Variants in ZNF521 observed in about 807,000 individuals in gnomAD.
The protein encoded by ZNF521 is LYST-interacting protein 3.
ZNF521 carries 14 observed loss-of-function variants against 105.5 expected under a neutral mutation model. The ratio of observed to expected loss-of-function variants is 0.13; its 90% CI spans 0.09 to 0.21. The LOEUF (loss-of-function observed/expected upper bound fraction) is 0.21. ZNF521 is among the 10% of genes least tolerant of loss of function. The probability of loss-of-function intolerance (pLI) is 1.00; values close to 1 mark genes in which losing one functional copy is unlikely to be tolerated. For synonymous variants in ZNF521, 635 were observed against 606.0 expected, an observed-to-expected ratio of 1.05 and a Z score of -0.70; for missense variants, 1,233 against 1,629.7, an observed-to-expected ratio of 0.76 and a Z score of 4.19.
intron 3 of ZNF521, among the ~76,000 whole-genome samples, chr18:25,316,579 G>C (rs1057247705): frequency 6.6e-6 from 1 of 152,016 alleles, no homozygotes; most frequent in Non-Finnish European, 1.5e-5. Context: ...TAATTAAAAT[G>C]CTTCCAAGTG....
At chr18:25,246,756 G>A (rs1246232628) in intron 3 of ZNF521, among the ~76,000 whole-genome samples, 1 of 152,214 alleles carries the variant, frequency 6.6e-6, no homozygotes, top group East Asian at 1.9e-4. Context: ...ACCTAAGAGA[G>A]GATTCAGTTC....
intron 5 of ZNF521, among the ~76,000 whole-genome samples, chr18:25,168,239 T>C (rs561306805): frequency 1.3e-5 from 2 of 152,260 alleles, no homozygotes; most frequent in South Asian, 4.1e-4. Context: ...CTGCTGAGTG[T>C]CTGCTGTGGG....
chr18:25,286,662 A>G lies in ZNF521; in HGVS notation c.220+35346T>C, dbSNP rs8089299. On this transcript the variant is annotated intron_variant, in intron 3 of 7. Coordinates refer to ENST00000361524, the MANE Select transcript of ZNF521 (RefSeq NM_015461.3). ...TATTAAAAATAATCTCTATTTTTTC[A>G]TTTCTTGAAATAGAAGCTGAGTAAC... Among the ~76,000 whole-genome samples the G allele has an allele frequency of 2.0e-5, 3 of 152,040 alleles. No individual in the cohort carries two copies. The South Asian group carries it at 6.2e-4, about 32-fold the overall frequency.
At chr18:25,139,527 C>A (rs941920619) in intron 5 of ZNF521, among the ~76,000 whole-genome samples, 2 of 151,926 alleles carry the variant, frequency 1.3e-5, no homozygotes, top group Non-Finnish European at 2.9e-5. Context: ...AAAGGTATGA[C>A]ACAGAAGAGA....
At chr18:25,117,963 C>T (rs946561847) in intron 5 of ZNF521, among the ~76,000 whole-genome samples, 1 of 151,748 alleles carries the variant, frequency 6.6e-6, no homozygotes. Context: ...AAAAGCAATA[C>T]AAAGGGAACA....
At chr18:25,224,324 A>G (rs1905943980) in intron 4 of ZNF521, 21 bp downstream of exon 4, 2 of 1,588,414 alleles carry the variant, frequency 1.3e-6, no homozygotes, top group Non-Finnish European at 8.6e-7. Flanking sequence ...TAAATAGCAA[A>G]CATTAAAAAA....
intron 3 of ZNF521, among the ~76,000 whole-genome samples, chr18:25,249,929 T>C (rs1003805118): frequency 1.3e-5 from 2 of 152,190 alleles, no homozygotes; most frequent in Non-Finnish European, 2.9e-5. Context: ...CTAATGACTG[T>C]GAAATAATTT....
intron 3 of ZNF521, among the ~76,000 whole-genome samples, chr18:25,321,670 T>C (rs2145145828): frequency 6.6e-6 from 1 of 152,362 alleles, no homozygotes; most frequent in East Asian, 1.9e-4. Context: ...TCATTTCTCA[T>C]GCTGTCTTTG....
chr18:25,317,474 T>C (rs1400118499), intron 3 of ZNF521, among the ~76,000 whole-genome samples: 2 of 152,168 alleles, frequency 1.3e-5, no homozygotes. Context: ...TTCTAAATTA[T>C]ATGAATTTTA....
intron 5 of ZNF521, among the ~76,000 whole-genome samples, chr18:25,130,771 C>CT (rs2034626470): frequency 6.6e-6 from 1 of 151,956 alleles, no homozygotes; most frequent in Non-Finnish European, 1.5e-5. Context: ...AGCGAGACCC[C>CT]ATCTCTACAA....
intron 2 of ZNF521, among the ~76,000 whole-genome samples, chr18:25,331,318 T>A (rs978603732): frequency 6.7e-6 from 1 of 148,368 alleles, no homozygotes. Flanking sequence ...TTAAAACTGC[T>A]AAAAAAAAAA....
chr18:25,256,993 C>T (rs564890681), intron 3 of ZNF521, among the ~76,000 whole-genome samples: 15 of 151,900 alleles, frequency 9.9e-5, no homozygotes, highest in East Asian at 7.8e-4. Flanking sequence ...ACATTCTGGG[C>T]GAAGTCAAAA....
intron 2 of ZNF521, among the ~76,000 whole-genome samples, chr18:25,337,916 G>A (rs57960811): frequency 6.6e-6 from 1 of 152,154 alleles, no homozygotes; most frequent in Non-Finnish European, 1.5e-5. Context: ...AAAGTCATTA[G>A]AATAAAGGGG....
chr18:25,226,053 G>C lies in ZNF521; in HGVS notation c.1865C>G (p.Ala622Gly). ...IEQTSLKMMQ[A>G]VGGAPARPTG... ...GGGACGTGCAGGTGCACCTCCTACT[G>C]CCTGCATCATCTTAAGAGATGTCTG... The change falls in exon 4 of 8, where the codon GCA becomes GGA. Residue 622 changes from alanine to glycine, a missense_variant. By Grantham distance (60) the Ala-to-Gly change is moderately conservative. Coordinates refer to ENST00000361524, the MANE Select transcript of ZNF521 (RefSeq NM_015461.3). The surrounding 1 kb of genome is among the most constrained non-coding windows in gnomAD (Gnocchi z 4.1). 1 of 1,614,178 alleles carries C rather than the reference G, an allele frequency of 6.2e-7. No individual in the cohort carries two copies. Among genetic ancestry groups the C allele is most frequent in the Non-Finnish European group, 8.5e-7 (1 of 1,180,030 alleles).
chr18:25,285,463 G>A (rs1012278982), intron 3 of ZNF521, among the ~76,000 whole-genome samples: 3 of 152,222 alleles, frequency 2.0e-5, no homozygotes, highest in African/African-American at 7.2e-5. Context: ...AGATTGCTCA[G>A]TGAAGTGTTA....
chr18:25,226,823 C>A lies in ZNF521; in HGVS notation c.1095G>T (p.Val365=). ...CAGCTTCCACCATGGTTGAGCTGTC[C>A]ACTGAGAGGTTGGAATCTGGAGTCG... is the stretch of plus-strand genomic sequence containing the variant. ...SSTTPDSNLS[V]DSSTMVEAAP... is the part of the protein sequence containing the mutation. Residue 365 remains valine, a synonymous_variant, in exon 4 of 8, where the codon GTG becomes GTT. Coordinates refer to ENST00000361524, the MANE Select transcript of ZNF521 (RefSeq NM_015461.3). This position sits in a 1 kb window ranked among gnomAD's most constrained non-coding sequence, Gnocchi z 4.1. The A allele has an allele frequency of 6.2e-7, 1 of 1,613,998 alleles. No individual in the cohort carries two copies. The highest frequency in any genetic ancestry group is 1.1e-5 in the South Asian group (1 of 91,048).
At chr18:25,299,036 C>A (rs1911479949) in intron 3 of ZNF521, among the ~76,000 whole-genome samples, 2 of 152,186 alleles carry the variant, frequency 1.3e-5, no homozygotes, top group Non-Finnish European at 2.9e-5. Context: ...TACCACTTCC[C>A]ACGTGGAAAT....
chr18:25,081,931 T>TTCAA (rs1156968791), intron 7 of ZNF521, among the ~76,000 whole-genome samples: 7 of 152,176 alleles, frequency 4.6e-5, no homozygotes, highest in African/African-American at 1.7e-4. Flanking sequence ...ACTTTCTGCC[T>TTCAA]TCAATGGTAA....
At chr18:25,138,536 G>T (rs2034780377) in intron 5 of ZNF521, among the ~76,000 whole-genome samples, 1 of 151,496 alleles carries the variant, frequency 6.6e-6, no homozygotes, top group African/African-American at 2.4e-5. Flanking sequence ...GGGGAGGACA[G>T]AGCTCAGGAA....
Sources: allele counts gnomAD v4.1 joint callset (sites outside exome capture counted in the v4.1 genomes callset), GRCh38; gene constraint gnomAD v4.1.1; non-coding constraint Gnocchi (gnomAD v3.1); transcripts MANE v1.5; gene names NCBI Gene and HGNC (gene_info 2026-07-23, HGNC 2026-07-21).